Variants in PTPRD observed in about 807,000 individuals in gnomAD.
The protein encoded by PTPRD is protein tyrosine phosphatase receptor type D.
PTPRD carries 34 observed loss-of-function variants against 214.5 expected under a neutral mutation model. The ratio of observed to expected loss-of-function variants is 0.16; its 90% confidence interval spans 0.12 to 0.21. The LOEUF (loss-of-function observed/expected upper bound fraction) is 0.21, where lower values mean the gene tolerates loss of function less well. Ranked by LOEUF, PTPRD falls within the 10% of genes least tolerant of loss-of-function variation. PTPRD has a pLI of 1.00. For synonymous variants in PTPRD, 1,128 were observed against 845.7 expected (o/e 1.33, Z -5.79); for missense variants, 2,545 against 2,398.7 (o/e 1.06, Z -1.27).
intron 9 of PTPRD, among the ~76,000 whole-genome samples, chr9:9,272,458 G>T (rs1427500023): frequency 6.6e-6 from 1 of 151,186 alleles, no homozygotes; most frequent in Non-Finnish European, 1.5e-5. Flanking sequence ...AATTTACAAA[G>T]ACCTCTTAAT....
At chr9:10,416,728 A>T (rs566755904) in intron 2 of PTPRD, among the ~76,000 whole-genome samples, 52 of 151,998 alleles carry the variant, frequency 3.4e-4, no homozygotes, top group South Asian at 1.9e-3. Flanking sequence ...ACTTAAGAGT[A>T]TCTCTGTGGA....
intron 3 of PTPRD, among the ~76,000 whole-genome samples, chr9:10,173,672 C>G (rs554155660): frequency 1.1e-4 from 17 of 151,816 alleles, no homozygotes; most frequent in African/African-American, 4.1e-4. Context: ...AAGAGGATAT[C>G]TCACACCTAA....
intron 3 of PTPRD, among the ~76,000 whole-genome samples, chr9:10,184,196 G>A (rs2099317136): frequency 6.6e-6 from 1 of 152,112 alleles, no homozygotes; most frequent in Admixed American, 6.6e-5. Context: ...AGGCCGAGGT[G>A]GGCAGATTAC....
At chr9:10,392,582 A>G (rs2098089376) in intron 2 of PTPRD, among the ~76,000 whole-genome samples, 1 of 151,888 alleles carries the variant, frequency 6.6e-6, no homozygotes, top group African/African-American at 2.4e-5. Context: ...TATTCCTTCA[A>G]ATAATACACT....
intron 9 of PTPRD, among the ~76,000 whole-genome samples, chr9:9,211,543 A>G (rs2099948687): frequency 7.6e-6 from 1 of 131,428 alleles, no homozygotes; most frequent in Non-Finnish European, 1.8e-5. Flanking sequence ...ACACACACAC[A>G]CACACACACA....
chr9:9,449,791 A>C (rs540105857), intron 8 of PTPRD, among the ~76,000 whole-genome samples: 1 of 151,894 alleles, frequency 6.6e-6, no homozygotes, highest in Admixed American at 6.6e-5. Context: ...TTACATGGAT[A>C]AGCTCTTTAG....
At chr9:9,608,352 C>T (rs1045680303) in intron 7 of PTPRD, among the ~76,000 whole-genome samples, 1 of 152,078 alleles carries the variant, frequency 6.6e-6, no homozygotes, top group African/African-American at 2.4e-5. Flanking sequence ...CTTATTGATA[C>T]ATCGTCTTTG....
chr9:9,135,362 C>T (rs1425461571), intron 10 of PTPRD, among the ~76,000 whole-genome samples: 1 of 152,152 alleles, frequency 6.6e-6, no homozygotes, highest in Non-Finnish European at 1.5e-5. Flanking sequence ...TTTAACCTCC[C>T]TAGTTCTGGA....
chr9:9,162,382 T>C (rs552511885), intron 10 of PTPRD, among the ~76,000 whole-genome samples: 1 of 152,280 alleles, frequency 6.6e-6, no homozygotes, highest in Admixed American at 6.5e-5. Flanking sequence ...AGTTCATCCA[T>C]CTTCCCCCTC....
At chr9:8,493,093 G>T in intron 26 of PTPRD, 114 bp from the exon 27 acceptor site, 1 of 829,112 alleles carries the variant, frequency 1.2e-6, no homozygotes, top group Non-Finnish European at 2.0e-6. Flanking sequence ...TTGCAGCCAT[G>T]CTAAGCCCTG....
intron 9 of PTPRD, among the ~76,000 whole-genome samples, chr9:9,192,855 T>C (rs1265304766): frequency 6.6e-6 from 1 of 152,124 alleles, no homozygotes; most frequent in East Asian, 1.9e-4. Context: ...AGTCACGAGA[T>C]AAGCTGCAGC....
chr9:9,414,955 G>C (rs531380162), intron 8 of PTPRD: 5 of 152,292 alleles, frequency 3.3e-5, no homozygotes, highest in African/African-American at 9.6e-5. Flanking sequence ...GACTTTAGAA[G>C]GGCCACACAC....
intron 2 of PTPRD, among the ~76,000 whole-genome samples, chr9:10,534,400 A>C (rs1271367232): frequency 6.6e-6 from 1 of 152,094 alleles, no homozygotes; most frequent in African/African-American, 2.4e-5. Context: ...TTTAATTTAA[A>C]TATAATAGTG....
chr9:9,627,263 G>A (rs1159592822), intron 7 of PTPRD, among the ~76,000 whole-genome samples: 1 of 152,066 alleles, frequency 6.6e-6, no homozygotes, highest in Non-Finnish European at 1.5e-5. Context: ...GCCGAGATTG[G>A]GCCACTTCAC....
intron 44 of PTPRD, among the ~76,000 whole-genome samples, chr9:8,325,864 G>T (rs4008216): frequency 0.14 from 21,451 of 151,838 alleles, 1,963 homozygotes; most frequent in East Asian, 0.35. Flanking sequence ...GAGTTCACTC[G>T]TGATTTGGCT....
intron 3 of PTPRD, among the ~76,000 whole-genome samples, chr9:10,280,226 AC>A (rs2095019540): frequency 6.6e-6 from 1 of 152,134 alleles, no homozygotes; most frequent in Non-Finnish European, 1.5e-5. Context: ...AGGAGTTTTA[AC>A]AATAAAGAGT....
Position 9,106,590 on chromosome 9 carries a change from C to T in PTPRD, c.-143+76714G>A, listed in dbSNP as rs1463097352. 3.7e-5 allele frequency among the ~76,000 whole-genome samples: 4 copies of T among 107,876 alleles called. No homozygotes were observed. The South Asian group carries it at 1.3e-3, about 35-fold the overall frequency. The allele number at this position is 107,876 out of a possible 152,430, so 70.8% of individuals were successfully genotyped here. A position where few individuals can be genotyped will look rare whatever the true frequency, so the allele number is the denominator to read the frequency against. On this transcript the variant is annotated intron_variant, in intron 10 of 45. Coordinates refer to ENST00000381196, the MANE Select transcript of PTPRD (RefSeq NM_002839.4). ...GCCGATGGAGGGGTGTTTATATTTG[C>T]TGTTAACCTATATTCCATAGGCAAA...
At chr9:9,759,154 C>A (rs976956764) in intron 6 of PTPRD, among the ~76,000 whole-genome samples, 5 of 152,174 alleles carry the variant, frequency 3.3e-5, no homozygotes, top group South Asian at 2.1e-4. Flanking sequence ...GTCCCTAGCT[C>A]CTTTTTCACA....
At chr9:9,021,754 A>T (rs969887686) in intron 10 of PTPRD, among the ~76,000 whole-genome samples, 1 of 151,996 alleles carries the variant, frequency 6.6e-6, no homozygotes, top group African/African-American at 2.4e-5. Flanking sequence ...AATTTTTAGT[A>T]AAAAAAAGTT....
Sources: allele counts gnomAD v4.1 joint callset (sites outside exome capture counted in the v4.1 genomes callset), GRCh38; gene constraint gnomAD v4.1.1; transcripts MANE v1.5; gene names NCBI Gene and HGNC (gene_info 2026-07-23, HGNC 2026-07-21).